BTRC: variants seen among roughly 807,000 people sequenced by gnomAD.
BTRC encodes beta-transducin repeat containing E3 ubiquitin protein ligase.
Under a neutral mutation model 85.5 loss-of-function variants are expected in BTRC, and 42 were observed. That is an observed-to-expected ratio of 0.49 (90% CI 0.38 to 0.64). The LOEUF (loss-of-function observed/expected upper bound fraction) is 0.64. Among genes scored for constraint, BTRC ranks in the 30% least tolerant of loss-of-function variants. BTRC has a pLI of 0.00. For synonymous variants in BTRC, 255 were observed against 263.3 expected, an observed-to-expected ratio of 0.97 and a Z score of 0.30; for missense variants, 594 against 743.5, an observed-to-expected ratio of 0.80 and a Z score of 2.34.
chr10:101,459,964 A>G (rs566770843), intron 2 of BTRC, among the ~76,000 whole-genome samples: 21 of 152,218 alleles, frequency 1.4e-4, no homozygotes, highest in African/African-American at 2.2e-4. Flanking sequence ...TATCTTTGGT[A>G]TGACAAACTT....
chr10:101,486,990 A>G (rs112851035), intron 4 of BTRC, among the ~76,000 whole-genome samples: 52 of 152,348 alleles, frequency 3.4e-4, no homozygotes, highest in African/African-American at 1.2e-3. Context: ...TTAGTAATCA[A>G]TCTTATTGAA....
chr10:101,461,842 G>T, intron 2 of BTRC, 139 bp from the exon 3 acceptor site: 1 of 567,332 alleles, frequency 1.8e-6, no homozygotes, highest in Non-Finnish European at 3.1e-6. Flanking sequence ...ATATCTGTAT[G>T]TATACAAATC....
intron 4 of BTRC, among the ~76,000 whole-genome samples, chr10:101,491,336 G>A (rs1946127718): frequency 6.6e-6 from 1 of 152,148 alleles, no homozygotes; most frequent in Admixed American, 6.5e-5. Flanking sequence ...AGCATGCACT[G>A]GCAGTCCTTT....
intron 1 of BTRC, among the ~76,000 whole-genome samples, chr10:101,396,406 A>ATT (rs1265051187): frequency 6.3e-5 from 8 of 127,104 alleles, no homozygotes; most frequent in African/African-American, 5.8e-5. Flanking sequence ...GGAGGTGAAG[A>ATT]TTTTTTTTTT....
intron 4 of BTRC, among the ~76,000 whole-genome samples, chr10:101,485,926 C>G (rs142875019): frequency 6.6e-6 from 1 of 152,162 alleles, no homozygotes; most frequent in African/African-American, 2.4e-5. Context: ...TCGGATCACC[C>G]GCACAGAGAG....
At chr10:101,427,598 G>A (rs372221464) in intron 1 of BTRC, among the ~76,000 whole-genome samples, 5 of 151,046 alleles carry the variant, frequency 3.3e-5, no homozygotes, top group South Asian at 2.1e-4. Context: ...CATGATCACC[G>A]CTCATTGCTG....
At chr10:101,371,208 G>A (rs887908966) in intron 1 of BTRC, among the ~76,000 whole-genome samples, 4 of 150,974 alleles carry the variant, frequency 2.6e-5, no homozygotes, top group East Asian at 3.9e-4. Flanking sequence ...CCCCAGAGAC[G>A]GAGTCTTGCT....
At position 101,556,424 on chromosome 10, in the gene BTRC, G is replaced by C. The variant is rs1394018323; in HGVS notation, c.*3301G>C. On this transcript the variant is annotated 3_prime_UTR_variant, in exon 15 of 15. Transcript: ENST00000370187. ...TTCCCATAATTGGACTAGATACCTT[G>C]GTACTGTTGACCTTCTCAGCATCTC... 6.6e-6 allele frequency: 1 copy of C among 152,136 alleles called. No homozygotes were observed. Among genetic ancestry groups the C allele is most frequent in the African/African-American group, 2.4e-5 (1 of 41,396 alleles). The allele number at this position is 152,136 out of a possible 1,614,324, so 9.4% of individuals were successfully genotyped here.
intron 1 of BTRC, among the ~76,000 whole-genome samples, chr10:101,403,716 A>G (rs1033071277): frequency 2.6e-5 from 4 of 151,732 alleles, no homozygotes; most frequent in Admixed American, 6.6e-5. Context: ...TCAGCCCCTC[A>G]AGTAGCTGGG....
intron 4 of BTRC, among the ~76,000 whole-genome samples, chr10:101,491,199 G>A (rs1019569423): frequency 5.9e-5 from 9 of 152,020 alleles, no homozygotes; most frequent in Non-Finnish European, 1.0e-4. Flanking sequence ...ACATTGTTCT[G>A]TATATAAAAT....
At chr10:101,410,282 G>C (rs929074701) in intron 1 of BTRC, among the ~76,000 whole-genome samples, 3 of 151,884 alleles carry the variant, frequency 2.0e-5, no homozygotes, top group African/African-American at 7.3e-5. Flanking sequence ...GTACATTATC[G>C]TGGTTTTGAT....
chr10:101,392,815 C>T (rs1184311420), intron 1 of BTRC, among the ~76,000 whole-genome samples: 1 of 152,192 alleles, frequency 6.6e-6, no homozygotes, highest in East Asian at 1.9e-4. Context: ...TAAGCTTCCG[C>T]ACCCGACCAA....
chr10:101,447,000 G>T (rs1944843891), intron 2 of BTRC, among the ~76,000 whole-genome samples: 1 of 150,342 alleles, frequency 6.7e-6, no homozygotes, highest in Non-Finnish European at 1.5e-5. Flanking sequence ...GTGGGGGGTG[G>T]TGGGGGGGCC....
At chr10:101,384,531 T>TTTTTTTAAACA (rs1943018666) in intron 1 of BTRC, among the ~76,000 whole-genome samples, 1 of 152,108 alleles carries the variant, frequency 6.6e-6, no homozygotes, top group Non-Finnish European at 1.5e-5. Context: ...GTAAGTTCTG[T>TTTTTTTAAACA]GTGTTTTTTT....
chr10:101,476,209 A>G (rs2134214292), intron 3 of BTRC, among the ~76,000 whole-genome samples: 2 of 152,136 alleles, frequency 1.3e-5, no homozygotes, highest in African/African-American at 4.8e-5. Flanking sequence ...AGTGTCAGTC[A>G]TGAAAGACAA....
chr10:101,411,732 T>C (rs566667390), intron 1 of BTRC, among the ~76,000 whole-genome samples: 3 of 152,132 alleles, frequency 2.0e-5, no homozygotes, highest in East Asian at 1.9e-4. Context: ...CTGGGTCTGC[T>C]TCCATTGACT....
chr10:101,496,617 A>G (rs1479313692), intron 4 of BTRC, among the ~76,000 whole-genome samples: 2 of 152,062 alleles, frequency 1.3e-5, no homozygotes, highest in Non-Finnish European at 2.9e-5. Flanking sequence ...CCATCTTACT[A>G]TTTTTAAGTA....
intron 1 of BTRC, among the ~76,000 whole-genome samples, chr10:101,368,313 G>C (rs945662404): frequency 6.6e-6 from 1 of 152,118 alleles, no homozygotes; most frequent in Non-Finnish European, 1.5e-5. Context: ...CTCTTACCAG[G>C]AGCAGATGCT....
At chr10:101,427,055 G>A (rs189707993) in intron 1 of BTRC, among the ~76,000 whole-genome samples, 154 of 150,324 alleles carry the variant, frequency 1.0e-3, no homozygotes, top group Non-Finnish European at 1.7e-3. Context: ...TTTCTACCCA[G>A]CACACACAGA....
Sources: allele counts gnomAD v4.1 joint callset (sites outside exome capture counted in the v4.1 genomes callset), GRCh38; gene constraint gnomAD v4.1.1; transcripts MANE v1.5; gene names NCBI Gene and HGNC (gene_info 2026-07-23, HGNC 2026-07-21).